The following ZNF704 variants were observed in gnomAD, a reference collection of about 807,000 sequenced individuals.
ZNF704 encodes zinc finger protein 704, also known as glucocorticoid induced gene 1.
ZNF704 carries 10 observed loss-of-function variants against 44.7 expected under a neutral mutation model. That is an observed-to-expected ratio of 0.22 (90% CI 0.14 to 0.38). The LOEUF (loss-of-function observed/expected upper bound fraction) is 0.38, where lower values mean the gene tolerates loss of function less well. Among genes scored for constraint, ZNF704 ranks in the 10% least tolerant of loss-of-function variants. The pLI is 1.00. For synonymous variants in ZNF704, 211 were observed against 207.6 expected, an observed-to-expected ratio of 1.02 and a Z score of -0.14; for missense variants, 390 against 545.5, an observed-to-expected ratio of 0.71 and a Z score of 2.84.
At chr8:80,832,663 A>T (rs73262597) in intron 1 of ZNF704, among the ~76,000 whole-genome samples, 31,859 of 151,960 alleles carry the variant, frequency 0.21, 4,606 homozygotes, top group African/African-American at 0.41. Context: ...GATAGTAAAA[A>T]AGTAGTTTAG....
At chr8:80,825,160 G>A (rs577499061) in intron 1 of ZNF704, among the ~76,000 whole-genome samples, 28 of 152,160 alleles carry the variant, frequency 1.8e-4, no homozygotes, top group Non-Finnish European at 4.0e-4. Flanking sequence ...ATCCATCAGT[G>A]TGCTGTATTC....
At chr8:80,884,116 A>G in the ZNF704 span, among the ~76,000 whole-genome samples, 1 of 152,236 alleles carries the variant, frequency 6.6e-6, no homozygotes. Context: ...ATTGAGAGTG[A>G]GACAGAATTT....
intron 2 of ZNF704, among the ~76,000 whole-genome samples, chr8:80,739,811 T>C (rs563343755): frequency 6.6e-6 from 1 of 152,110 alleles, no homozygotes; most frequent in Non-Finnish European, 1.5e-5. Context: ...ATTGTCCAAA[T>C]AGAAATAAGC....
chr8:80,814,951 A>C (rs1258882418), intron 2 of ZNF704, among the ~76,000 whole-genome samples: 1 of 152,234 alleles, frequency 6.6e-6, no homozygotes, highest in East Asian at 1.9e-4. Context: ...AGTACATAAA[A>C]GAAAGGAGAA....
At chr8:80,686,526 T>C (rs1378543932) in intron 4 of ZNF704, among the ~76,000 whole-genome samples, 2 of 151,840 alleles carry the variant, frequency 1.3e-5, no homozygotes, top group East Asian at 3.8e-4. Context: ...AGACTACAGG[T>C]GCATGCCACT....
At chr8:80,755,741 G>A (rs1054890591) in intron 2 of ZNF704, among the ~76,000 whole-genome samples, 4 of 152,116 alleles carry the variant, frequency 2.6e-5, no homozygotes, top group Non-Finnish European at 5.9e-5. Flanking sequence ...CTCAGTCCCA[G>A]GACACTGAAT....
chr8:80,748,084 G>A (rs954263970), intron 2 of ZNF704, among the ~76,000 whole-genome samples: 1 of 152,148 alleles, frequency 6.6e-6, no homozygotes, highest in African/African-American at 2.4e-5. Flanking sequence ...TCCTACAAAC[G>A]GCAAGGCTTT....
chr8:80,826,247 T>C (rs145309448), intron 1 of ZNF704, among the ~76,000 whole-genome samples: 1 of 151,796 alleles, frequency 6.6e-6, no homozygotes, highest in Non-Finnish European at 1.5e-5. Context: ...AAAGGAGATA[T>C]CACCACCGAT....
At chr8:80,693,252 G>T in intron 2 of ZNF704, 145 bp from the exon 3 acceptor site, 1 of 686,730 alleles carries the variant, frequency 1.5e-6, no homozygotes. Flanking sequence ...TATAGATGAG[G>T]AAGCTGAAGC....
chr8:80,726,233 A>C (rs1806478311), intron 2 of ZNF704, among the ~76,000 whole-genome samples: 2 of 152,140 alleles, frequency 1.3e-5, no homozygotes, highest in Admixed American at 6.5e-5. Context: ...ATAAATTTGC[A>C]ATTTTTTTCT....
chr8:80,832,417 G>A (rs1168977275), intron 1 of ZNF704, among the ~76,000 whole-genome samples: 1 of 152,114 alleles, frequency 6.6e-6, no homozygotes, highest in African/African-American at 2.4e-5. Context: ...CCACTTATTT[G>A]ATCAATCCTT....
At chr8:80,817,155 G>A (rs1808189321) in intron 2 of ZNF704, among the ~76,000 whole-genome samples, 1 of 152,148 alleles carries the variant, frequency 6.6e-6, no homozygotes, top group Admixed American at 6.5e-5. Flanking sequence ...AGGGAGACTG[G>A]CCCCTGTCTC....
At chr8:80,785,638 T>C (rs1807602055) in intron 2 of ZNF704, among the ~76,000 whole-genome samples, 1 of 152,252 alleles carries the variant, frequency 6.6e-6, no homozygotes, top group African/African-American at 2.4e-5. Context: ...CTTTAGCCAC[T>C]GGCAGATCCT....
intron 7 of ZNF704, among the ~76,000 whole-genome samples, chr8:80,644,753 ATGG>A (rs1304863866): frequency 6.6e-6 from 1 of 152,212 alleles, no homozygotes; most frequent in African/African-American, 2.4e-5. Context: ...TGGCTGGGCT[ATGG>A]TGGTGGTGGC....
chr8:80,767,836 G>A (rs925232947), intron 2 of ZNF704, among the ~76,000 whole-genome samples: 6 of 152,028 alleles, frequency 3.9e-5, no homozygotes, highest in African/African-American at 1.4e-4. Flanking sequence ...TATAACTAAG[G>A]TCATCAACCC....
At position 80,692,630 on chromosome 8, in the gene ZNF704, C is replaced by A. The variant is rs368247221; in HGVS notation, c.325+374G>T. On this transcript the variant is annotated intron_variant, in intron 3 of 8. Coordinates refer to ENST00000327835, the MANE Select transcript of ZNF704 (RefSeq NM_001033723.3). ...TTAAAAATTATTTAATCTGAGAGTT[C>A]TTTGATCCAACTGCCTCCCCAGTCA... Among the ~76,000 whole-genome samples, 97 of 152,266 alleles carry A rather than the reference C, an allele frequency of 6.4e-4. 1 individual carries two copies. The highest frequency in any genetic ancestry group is 3.4e-3 in the Middle Eastern group (1 of 294).
chr8:80,714,583 T>A (rs1819042566), intron 2 of ZNF704, among the ~76,000 whole-genome samples: 1 of 152,196 alleles, frequency 6.6e-6, no homozygotes, highest in Admixed American at 6.5e-5. Flanking sequence ...ACTCTAATGA[T>A]CTCCTCCTCC....
At chr8:80,740,664 G>T (rs1019693355) in intron 2 of ZNF704, among the ~76,000 whole-genome samples, 1 of 152,182 alleles carries the variant, frequency 6.6e-6, no homozygotes, top group Non-Finnish European at 1.5e-5. Context: ...AACCAGAGTG[G>T]TTTACAGTCA....
chr8:80,794,960 G>T (rs889095310), intron 2 of ZNF704, among the ~76,000 whole-genome samples: 1 of 152,140 alleles, frequency 6.6e-6, no homozygotes, highest in Admixed American at 6.5e-5. Context: ...ATAAATGTAT[G>T]GTACATGAAG....
Sources: gnomAD v4.1 joint callset for allele counts (sites outside exome capture counted in the v4.1 genomes callset) on GRCh38, gnomAD v4.1.1 for gene constraint, MANE v1.5 for transcripts, NCBI Gene and HGNC (gene_info 2026-07-23, HGNC 2026-07-21) for gene names.